PRAG1: variants seen among roughly 807,000 people sequenced by gnomAD.
PRAG1 encodes the protein PEAK1 related, kinase-activating pseudokinase 1.
Under a neutral mutation model 95.6 loss-of-function variants are expected in PRAG1, and 110 were observed. That is an observed-to-expected ratio of 1.15 (90% CI 0.99 to 1.35). The LOEUF is 1.35. PRAG1 is among the 40% of genes most tolerant of loss of function. The pLI is 0.00. For synonymous variants in PRAG1, 1,052 were observed against 819.4 expected, an observed-to-expected ratio of 1.28 and a Z score of -4.85; for missense variants, 2,554 against 1,864.7, an observed-to-expected ratio of 1.37 and a Z score of -6.81.
At chr8:8,342,960 G>GA (rs1012932693) in intron 3 of PRAG1, among the ~76,000 whole-genome samples, 12 of 151,388 alleles carry the variant, frequency 7.9e-5, no homozygotes, top group Admixed American at 2.6e-4. Context: ...ATTAAAAAGT[G>GA]AAAAAAAACA....
chr8:8,329,598 G>A (rs1798755779), intron 4 of PRAG1, among the ~76,000 whole-genome samples: 1 of 152,264 alleles, frequency 6.6e-6, no homozygotes, highest in East Asian at 1.9e-4. Flanking sequence ...GGCCCCAAAG[G>A]AAGCAAATTA....
At chr8:8,336,915 T>TCCCCCCCC (rs956360550) in intron 4 of PRAG1, among the ~76,000 whole-genome samples, 1 of 24,628 alleles carries the variant, frequency 4.1e-5, no homozygotes, top group Non-Finnish European at 8.0e-5. Context: ...CTTTCCCCCC[T>TCCCCCCCC]CCCCCCACCT....
At chr8:8,336,709 A>T (rs1419617847) in intron 4 of PRAG1, among the ~76,000 whole-genome samples, 2 of 151,638 alleles carry the variant, frequency 1.3e-5, no homozygotes, top group Non-Finnish European at 1.5e-5. Flanking sequence ...CACCCATAAA[A>T]CGCAAATCAT....
At chr8:8,349,425 C>A (rs535235716) in intron 3 of PRAG1, among the ~76,000 whole-genome samples, 7 of 152,008 alleles carry the variant, frequency 4.6e-5, no homozygotes, top group Non-Finnish European at 8.8e-5. Flanking sequence ...GTACTACAGG[C>A]GCCCGCCACC....
At position 8,376,692 on chromosome 8, in the gene PRAG1, G is replaced by T; in HGVS notation, c.1717C>A (p.Leu573Ile). Reference sequence around the variant, plus strand: ...CTGCCGCCAGAGCTCCCATCACTAAGGTCAGCCAGCGGTGACACTGGGGGC... The same window carrying T: ...CTGCCGCCAGAGCTCCCATCACTAATGTCAGCCAGCGGTGACACTGGGGGC... The part of the protein sequence containing the change: ...GGPPVSPLAD[L>I]SDGSSGGSSI... Residue 573 changes from leucine (L) to isoleucine (I), a missense_variant, in exon 3 of 6, where the codon CTT becomes ATT. Coordinates refer to ENST00000615670, the MANE Select transcript of PRAG1 (RefSeq NM_001080826.3). 1 of 1,611,710 alleles carries T rather than the reference G, an allele frequency of 6.2e-7. No individual in the cohort carries two copies. The highest frequency in any genetic ancestry group is 8.5e-7 in the Non-Finnish European group (1 of 1,179,936).
chr8:8,361,076 A>G (rs1799829887), intron 3 of PRAG1, among the ~76,000 whole-genome samples: 1 of 152,212 alleles, frequency 6.6e-6, no homozygotes, highest in Non-Finnish European at 1.5e-5. Context: ...ATTTGATCTG[A>G]CATCTCATAA....
At chr8:8,363,282 A>G (rs2116896781) in intron 3 of PRAG1, among the ~76,000 whole-genome samples, 2 of 152,266 alleles carry the variant, frequency 1.3e-5, no homozygotes, top group Admixed American at 6.5e-5. Flanking sequence ...CTTTGAAGAT[A>G]CCAAAAATTT....
At chr8:8,324,797 A>G (rs1798581942) in intron 5 of PRAG1, among the ~76,000 whole-genome samples, 1 of 152,156 alleles carries the variant, frequency 6.6e-6, no homozygotes, top group African/African-American at 2.4e-5. Context: ...GGCCCTAATT[A>G]CCAAACTAGA....
At position 8,318,245 on chromosome 8, in the gene PRAG1, ACGCC is replaced by A; in HGVS notation, c.4126_4129del (p.Gly1376TrpfsTer24). On this transcript the variant is annotated frameshift_variant, in exon 6 of 6. Transcript: ENST00000615670. LOFTEE classifies it high-confidence loss of function. This position sits in a 1 kb window ranked among gnomAD's most constrained non-coding sequence, Gnocchi z 4.2. ...GCAGCAAAGCCAGTCCTCCAGCTCC[ACGCC>A]CCGCCTGCGATCCACCGCCTTCTCC... The A allele has an allele frequency of 6.2e-7, 1 of 1,614,098 alleles. No individual in the cohort carries two copies. The highest frequency in any genetic ancestry group is 8.5e-7 in the Non-Finnish European group (1 of 1,179,994).
chr8:8,367,646 GTT>G (rs1190848329), intron 3 of PRAG1, among the ~76,000 whole-genome samples: 1 of 151,568 alleles, frequency 6.6e-6, no homozygotes, highest in Non-Finnish European at 1.5e-5. Flanking sequence ...TGGTGGTTTT[GTT>G]TTTTGTTTTT....
At position 8,318,661 on chromosome 8, in the gene PRAG1, C is replaced by G. The variant is rs745737227; in HGVS notation, c.3714G>C (p.Arg1238=). The change falls in exon 6 of 6, where the codon CGG becomes CGC. Residue 1238 remains arginine (R), a synonymous_variant. Coordinates refer to ENST00000615670, the MANE Select transcript of PRAG1 (RefSeq NM_001080826.3). The surrounding 1 kb of genome is among the most constrained non-coding windows in gnomAD (Gnocchi z 4.2). ...PNLQQKKSQA[R]LAPEIVSASQ... ...AAGCAGACACGATCTCGGGGGCCAG[C>G]CGGGCCTGGCTCTTCTTCTGCTGCA... The G allele has an allele frequency of 1.9e-6, 3 of 1,611,886 alleles. No homozygotes were observed. Among genetic ancestry groups the G allele is most frequent in the Non-Finnish European group, 2.5e-6 (3 of 1,179,898 alleles).
chr8:8,381,612 G>T lies in PRAG1; in HGVS notation c.136C>A (p.Pro46Thr), dbSNP rs766632773. The change falls in exon 2 of 6, where the codon CCT (proline) becomes ACT (threonine). Residue 46 changes from proline to threonine, a missense_variant. By Grantham distance (38) the Pro-to-Thr change is conservative. Coordinates refer to ENST00000615670, the MANE Select transcript of PRAG1 (RefSeq NM_001080826.3). Reference protein sequence around the residue: ...LRSDHQLVAGPPQPRAGSLPP... With the variant: ...LRSDHQLVAGTPQPRAGSLPP... ...AGGCTGCCCGCTCTGGGCTGGGGAG[G>T]GCCGGCCACCAGCTGGTGGTCGCTC... The T allele has an allele frequency of 2.5e-6, 4 of 1,613,928 alleles. No homozygotes were observed. The Admixed American group carries it at 6.7e-5, about 27-fold the overall frequency.
intron 3 of PRAG1, among the ~76,000 whole-genome samples, chr8:8,350,198 T>C (rs1799477823): frequency 6.6e-6 from 1 of 152,194 alleles, no homozygotes; most frequent in Admixed American, 6.5e-5. Flanking sequence ...AAAGAAGTGC[T>C]GGGCTGCCTG....
rs1293581501 is a variant in PRAG1, at chr8:8,318,597, G to T, written c.3778C>A (p.Leu1260Ile). ...RKFDEFQTGI[L>I]IYELLHQPNP... is the part of the protein sequence containing the mutation. ...GGTTGGTGCAGCAGCTCGTAGATGAGGATGCCTGTCTGGAACTCATCGAAC... is the reference window on the plus strand; with the variant it reads ...GGTTGGTGCAGCAGCTCGTAGATGATGATGCCTGTCTGGAACTCATCGAAC... Residue 1260 changes from leucine (L) to isoleucine (I), a missense_variant, in exon 6 of 6, where the codon CTC (leucine) becomes ATC (isoleucine). Leu to Ile is a conservative substitution (Grantham distance 5). Transcript: ENST00000615670. This position sits in a 1 kb window ranked among gnomAD's most constrained non-coding sequence, Gnocchi z 4.2. The T allele has an allele frequency of 1.2e-6, 2 of 1,613,348 alleles. No individual in the cohort carries two copies. Among genetic ancestry groups the T allele is most frequent in the African/African-American group, 2.7e-5 (2 of 74,796 alleles).
chr8:8,356,825 C>A (rs1158857489), intron 3 of PRAG1, among the ~76,000 whole-genome samples: 1 of 152,144 alleles, frequency 6.6e-6, no homozygotes, highest in African/African-American at 2.4e-5. Context: ...GGAGTACTAG[C>A]ATATAGACAT....
chr8:8,325,945 A>G (rs934531425), intron 5 of PRAG1, among the ~76,000 whole-genome samples: 1 of 151,250 alleles, frequency 6.6e-6, no homozygotes, highest in Non-Finnish European at 1.5e-5. Flanking sequence ...TAAAAAAAAA[A>G]AAAGTTTGTC....
chr8:8,374,658 T>C (rs1445181225), intron 3 of PRAG1: 1 of 985,284 alleles, frequency 1.0e-6, no homozygotes, highest in Non-Finnish European at 1.2e-6. Flanking sequence ...TCTTAGCTGC[T>C]GAATCTCTCA....
chr8:8,348,269 A>T (rs1402994063), intron 3 of PRAG1, among the ~76,000 whole-genome samples: 1 of 152,134 alleles, frequency 6.6e-6, no homozygotes, highest in Non-Finnish European at 1.5e-5. Context: ...CCTGACTCAA[A>T]ATCTTTGTAA....
In PRAG1 at chr8:8,377,799, G is replaced by T; in HGVS notation, c.610C>A (p.Gln204Lys). 4 of 1,614,176 alleles carry T rather than the reference G, an allele frequency of 2.5e-6. No individual in the cohort carries two copies. The highest frequency in any genetic ancestry group is 3.4e-6 in the Non-Finnish European group (4 of 1,180,046). The stretch of plus-strand genomic sequence containing the variant: ...GCCAGTTTCTGGCGGAAGCTCTCCT[G>T]GGTGGAGGGCCGGTCTTGGTAAGGA... ...SFPYQDRPST[Q>K]ESFRQKLAAF... The change falls in exon 3 of 6, where the codon CAG (glutamine) becomes AAG (lysine). Residue 204 changes from glutamine (Q) to lysine (K), a missense_variant. Physicochemically the swap from Gln to Lys is moderately conservative, Grantham distance 53 (BLOSUM62 1). Transcript: ENST00000615670.
Sources: gnomAD v4.1 joint callset for allele counts (sites outside exome capture counted in the v4.1 genomes callset) on GRCh38, gnomAD v4.1.1 for gene constraint, Gnocchi (gnomAD v3.1) non-coding constraint, MANE v1.5 for transcripts, NCBI Gene and HGNC (gene_info 2026-07-23, HGNC 2026-07-21) for gene names.